NKAIN3: variants seen among roughly 807,000 people sequenced by gnomAD.
NKAIN3 encodes the protein sodium/potassium-transporting ATPase subunit beta-1-interacting protein 3.
Under a neutral mutation model 30.2 loss-of-function variants are expected in NKAIN3, and 25 were observed. The ratio of observed to expected loss-of-function variants is 0.83; its 90% confidence interval spans 0.60 to 1.16. NKAIN3 has a LOEUF of 1.16. Ranked by LOEUF, NKAIN3 falls within the 50% of genes most tolerant of loss-of-function variation. The pLI, the probability that NKAIN3 is intolerant of heterozygous loss-of-function variation, is 0.00. For missense variants in NKAIN3, 225 were observed against 254.1 expected (o/e 0.89, Z 0.78); for synonymous variants, 91 against 89.6 (o/e 1.02, Z -0.09).
chr8:62,983,845 CT>C lies in NKAIN3; in HGVS notation c.*18439del, dbSNP rs1400944263. ...TACAGCTCCTAACAATCAAAAACAA[CT>C]ATGAACACTGCTTGCTTCAGTGATA... On this transcript the variant is annotated 3_prime_UTR_variant, in exon 7 of 7. Coordinates refer to ENST00000623646, the MANE Select transcript of NKAIN3 (RefSeq NM_001304533.3). 1 of 152,184 alleles carries C rather than the reference CT, an allele frequency of 6.6e-6. No individual in the cohort carries two copies. The highest frequency in any genetic ancestry group is 1.5e-5 in the Non-Finnish European group (1 of 68,030). The allele number at this position is 152,184 out of a possible 1,614,324, so 9.4% of individuals were successfully genotyped here.
chr8:62,596,835 T>C (rs796630859), intron 3 of NKAIN3, among the ~76,000 whole-genome samples: 2 of 152,218 alleles, frequency 1.3e-5, no homozygotes, highest in African/African-American at 4.8e-5. Context: ...GACAGTTATG[T>C]TCTATCTTTT....
At chr8:62,734,814 A>T (rs902705278) in intron 3 of NKAIN3, among the ~76,000 whole-genome samples, 1 of 152,232 alleles carries the variant, frequency 6.6e-6, no homozygotes. Flanking sequence ...TCACGTTATC[A>T]TCTGAAAGCC....
chr8:62,812,145 A>G (rs1818506648), intron 4 of NKAIN3, among the ~76,000 whole-genome samples: 1 of 151,984 alleles, frequency 6.6e-6, no homozygotes, highest in African/African-American at 2.4e-5. Context: ...TCAATTGGGT[A>G]TAGTTGTGTG....
At chr8:62,458,998 G>T (rs1208782498) in intron 1 of NKAIN3, among the ~76,000 whole-genome samples, 2 of 150,752 alleles carry the variant, frequency 1.3e-5, no homozygotes, top group African/African-American at 4.9e-5. Context: ...TAGGATGAAA[G>T]ATTAGATTTT....
At chr8:62,943,184 C>T (rs1173048373) in intron 5 of NKAIN3, among the ~76,000 whole-genome samples, 3 of 151,584 alleles carry the variant, frequency 2.0e-5, no homozygotes, top group Admixed American at 6.6e-5. Flanking sequence ...CAAACTAATC[C>T]GCAGGAAAAA....
At chr8:62,767,840 T>G (rs1172449672) in intron 4 of NKAIN3, among the ~76,000 whole-genome samples, 1 of 151,904 alleles carries the variant, frequency 6.6e-6, no homozygotes, top group African/African-American at 2.4e-5. Context: ...CACACTAGAT[T>G]TGGAAAACTT....
At chr8:62,481,472 CTATT>C (rs1455576451) in intron 1 of NKAIN3, among the ~76,000 whole-genome samples, 2 of 152,118 alleles carry the variant, frequency 1.3e-5, no homozygotes, top group Non-Finnish European at 2.9e-5. Flanking sequence ...CATTAACTAT[CTATT>C]TATTTGTGTT....
chr8:62,970,929 G>A lies in NKAIN3; in HGVS notation c.*5522G>A, dbSNP rs1823818694. ...ACTTAGTCTATATTAGTTAGGATTA[G>A]GTTTACCTACAAGTAACAGAAAAAG... is the stretch of plus-strand genomic sequence containing the variant. On this transcript the variant is annotated 3_prime_UTR_variant, in exon 7 of 7. Coordinates refer to ENST00000623646, the MANE Select transcript of NKAIN3 (RefSeq NM_001304533.3). 6.6e-6 allele frequency among the ~76,000 whole-genome samples: 1 copy of A among 152,108 alleles called. No individual in the cohort carries two copies. The highest frequency in any genetic ancestry group is 2.4e-5 in the African/African-American group (1 of 41,426).
At chr8:62,536,881 T>C in intron 1 of NKAIN3, among the ~76,000 whole-genome samples, 1 of 152,008 alleles carries the variant, frequency 6.6e-6, no homozygotes. Flanking sequence ...TACGAGGCCC[T>C]CATGGGGAGA....
chr8:62,718,720 T>G (rs1368659874), intron 3 of NKAIN3, among the ~76,000 whole-genome samples: 1 of 152,204 alleles, frequency 6.6e-6, no homozygotes, highest in Non-Finnish European at 1.5e-5. Flanking sequence ...AACCATTTTC[T>G]TTGCTATATT....
chr8:62,649,145 A>G (rs764239193), intron 3 of NKAIN3, among the ~76,000 whole-genome samples: 13 of 152,224 alleles, frequency 8.5e-5, no homozygotes, highest in Admixed American at 1.3e-4. Context: ...GCATATTTCA[A>G]AAATGGATCA....
chr8:62,500,890 A>C (rs1406906271), intron 1 of NKAIN3, among the ~76,000 whole-genome samples: 2 of 152,166 alleles, frequency 1.3e-5, no homozygotes, highest in Admixed American at 6.5e-5. Context: ...ATCCTGGCCC[A>C]ATGTTCACCT....
chr8:62,870,256 A>ATCTATATATAGATATCTATAGATATC (rs1334301061), intron 4 of NKAIN3, among the ~76,000 whole-genome samples: 1 of 45,602 alleles, frequency 2.2e-5, no homozygotes, highest in African/African-American at 1.1e-4. Context: ...ATATCTATAT[A>ATCTATATATAGATATCTATAGATATC]TATATCTATA....
At chr8:62,961,421 G>T (rs1474737614) in intron 6 of NKAIN3, among the ~76,000 whole-genome samples, 1 of 152,050 alleles carries the variant, frequency 6.6e-6, no homozygotes, top group Admixed American at 6.6e-5. Context: ...TACAAGAATA[G>T]TTAAATCTCA....
At chr8:62,958,961 G>C (rs1823494898) in intron 6 of NKAIN3, among the ~76,000 whole-genome samples, 1 of 152,210 alleles carries the variant, frequency 6.6e-6, no homozygotes, top group Non-Finnish European at 1.5e-5. Context: ...AGTTAAGAAA[G>C]ACTTGATGAG....
intron 1 of NKAIN3, among the ~76,000 whole-genome samples, chr8:62,430,447 A>G (rs1450987029): frequency 2.0e-5 from 3 of 149,242 alleles, no homozygotes; most frequent in Non-Finnish European, 3.0e-5. Flanking sequence ...AATATTTTGG[A>G]TATGTATCCA....
At chr8:62,262,035 T>TA (rs924516489) in intron 1 of NKAIN3, among the ~76,000 whole-genome samples, 14 of 151,928 alleles carry the variant, frequency 9.2e-5, no homozygotes, top group South Asian at 8.3e-4. Context: ...GTGACTGCAT[T>TA]AAAAAAAAGA....
At chr8:62,252,636 G>A (rs1424719057) in intron 1 of NKAIN3, among the ~76,000 whole-genome samples, 2 of 152,128 alleles carry the variant, frequency 1.3e-5, no homozygotes, top group Admixed American at 1.3e-4. Context: ...TAAAGAGAAA[G>A]TGAAAAGTAT....
intron 1 of NKAIN3, among the ~76,000 whole-genome samples, chr8:62,337,648 C>G (rs2129590615): frequency 6.6e-6 from 1 of 151,994 alleles, no homozygotes; most frequent in South Asian, 2.1e-4. Flanking sequence ...ATACAAACAA[C>G]ACTCACACAT....
Sources: allele counts gnomAD v4.1 joint callset (sites outside exome capture counted in the v4.1 genomes callset), GRCh38; gene constraint gnomAD v4.1.1; transcripts MANE v1.5; gene names NCBI Gene and HGNC (gene_info 2026-07-23, HGNC 2026-07-21).